Variants in SLC12A5 observed in about 807,000 individuals in gnomAD.
SLC12A5 encodes solute carrier family 12 member 5, also known as K-Cl cotransporter 2.
Under a neutral mutation model 124.0 loss-of-function variants are expected in SLC12A5, and 18 were observed. The ratio of observed to expected loss-of-function variants is 0.15; its 90% CI spans 0.10 to 0.22. The LOEUF is 0.22. SLC12A5 is among the 10% of genes least tolerant of loss of function. The pLI is 1.00. For synonymous variants in SLC12A5, 589 were observed against 568.0 expected (o/e 1.04, Z -0.53); for missense variants, 867 against 1,478.7 (o/e 0.59, Z 6.78).
At chr20:46,046,225 C>A (rs2084594268) in intron 13 of SLC12A5, 113 bp from the exon 14 acceptor site, 1 of 995,842 alleles carries the variant, frequency 1.0e-6, no homozygotes, top group Non-Finnish European at 1.6e-6. Flanking sequence ...ACAGCATGAT[C>A]TGGCCACCTC....
chr20:46,041,461 C>A lies in SLC12A5; in HGVS notation c.987C>A (p.Ala329=). ...GLFCSSRFLN[A]TCDEYFTRNN... ...TCTGCTCCTCTCGCTTCCTCAACGC[C>A]ACCTGTGATGAATACTTCACCCGAA... The change falls in exon 8 of 26, where the codon GCC becomes GCA. Residue 329 remains alanine, a synonymous_variant. Transcript: ENST00000243964. 6.2e-7 allele frequency: 1 copy of A among 1,614,162 alleles called. No homozygotes were observed. The highest frequency in any genetic ancestry group is 8.5e-7 in the Non-Finnish European group (1 of 1,180,036).
At chr20:46,047,655 T>C in intron 15 of SLC12A5, 82 bp downstream of exon 15, 1 of 1,451,754 alleles carries the variant, frequency 6.9e-7, no homozygotes, top group South Asian at 1.3e-5. Context: ...CATGAGGGAT[T>C]GGGGTGGTGG....
At chr20:46,025,977 C>T (rs894380527), upstream of SLC12A5, among the ~76,000 whole-genome samples, 2 of 152,138 alleles carry the variant, frequency 1.3e-5, no homozygotes, top group South Asian at 2.1e-4. Context: ...AGGACCCAGT[C>T]CGGTGGCTCT....
At position 46,057,654 on chromosome 20, in the gene SLC12A5, G is replaced by A. The variant is rs766289936; in HGVS notation, c.*49G>A. ...CCGAGCGCGCCCGGCCCGCGGCTCC[G>A]GAGCCCTCGCCGCGCCCCCCGCCGC... On this transcript the variant is annotated 3_prime_UTR_variant, in exon 26 of 26. Coordinates refer to ENST00000243964, the MANE Select transcript of SLC12A5 (RefSeq NM_020708.5). This position sits in a 1 kb window ranked among gnomAD's most constrained non-coding sequence, Gnocchi z 7.1. The A allele has an allele frequency of 3.5e-6, 5 of 1,448,740 alleles. No homozygotes were observed. The highest frequency in any genetic ancestry group is 1.4e-5 in the African/African-American group (1 of 70,492). 89.7% of individuals were successfully genotyped at this position (1,448,740 alleles called of 1,614,324 possible).
Position 46,053,692 on chromosome 20 carries a change from G to A in SLC12A5, c.2662G>A (p.Val888Ile). Residue 888 changes from valine (V) to isoleucine (I), a missense_variant, in exon 20 of 26, where the codon GTC (valine) becomes ATC (isoleucine). Transcript: ENST00000243964. The surrounding 1 kb of genome is among the most constrained non-coding windows in gnomAD (Gnocchi z 4.7). ...GTATCATTTACGCATCACTGCGGAG[G>A]TCGAGGTGGTGGAGATGGTGAGTCC... Reference protein sequence around the residue: ...FLYHLRITAEVEVVEMHESDI... With the variant: ...FLYHLRITAEIEVVEMHESDI... The A allele has an allele frequency of 1.9e-6, 3 of 1,598,084 alleles. No homozygotes were observed. The highest frequency in any genetic ancestry group is 2.3e-5 in the East Asian group (1 of 44,440).
intron 6 of SLC12A5, among the ~76,000 whole-genome samples, chr20:46,039,232 T>C (rs1341986132): frequency 6.6e-6 from 1 of 152,206 alleles, no homozygotes; most frequent in Non-Finnish European, 1.5e-5. Context: ...CGTTAATATT[T>C]AGCATGGGAA....
chr20:46,043,811 G>A (rs975626385), intron 10 of SLC12A5, 65 bp from the exon 11 acceptor site: 62 of 1,611,694 alleles, frequency 3.8e-5, no homozygotes, highest in Non-Finnish European at 4.8e-5. Context: ...CTTACCTGCT[G>A]GTGCAGGAAG....
At chr20:46,044,726 G>C (rs1014537730) in intron 11 of SLC12A5, 2 of 533,142 alleles carry the variant, frequency 3.8e-6, no homozygotes, top group African/African-American at 3.9e-5. Context: ...AGTGGGGGAC[G>C]TGGGGCTGGG....
At position 46,056,016 on chromosome 20, in the gene SLC12A5, C is replaced by A. The variant is rs1658137272; in HGVS notation, c.2788-134C>A. ...GTGCAGTAGCTATTTGGTCTCAAAT[C>A]ATAGCAATATTTTAACAACTGGTAC... On this transcript the variant is annotated intron_variant, in intron 21 of 25. Transcript: ENST00000243964. This position sits in a 1 kb window ranked among gnomAD's most constrained non-coding sequence, Gnocchi z 4.3. 4 of 1,287,036 alleles carry A rather than the reference C, an allele frequency of 3.1e-6. No homozygotes were observed. The highest frequency in any genetic ancestry group is 4.3e-6 in the Non-Finnish European group (4 of 940,746). 79.7% of individuals were successfully genotyped at this position (1,287,036 alleles called of 1,614,324 possible). A position where few individuals can be genotyped will look rare whatever the true frequency, so the allele number is the denominator to read the frequency against.
At chr20:46,030,638 G>T (rs1322187886) in intron 1 of SLC12A5, among the ~76,000 whole-genome samples, 1 of 152,188 alleles carries the variant, frequency 6.6e-6, no homozygotes, top group Non-Finnish European at 1.5e-5. Flanking sequence ...TATGAGCCTA[G>T]ACTCCCGCAG....
Position 46,051,854 on chromosome 20 carries a change from G to A in SLC12A5, c.2361G>A (p.Thr787=), listed in dbSNP as rs17344810. ...RNWRQKEDHQ[T]WRNFIELVRE... ...GGCGCCAGAAGGAAGATCATCAGAC[G>A]TGGAGGAACTTCATTGGTAACGCTA... The change falls in exon 18 of 26, where the codon ACG becomes ACA. Residue 787 remains threonine, a synonymous_variant. Coordinates refer to ENST00000243964, the MANE Select transcript of SLC12A5 (RefSeq NM_020708.5). The A allele has an allele frequency of 0.11, 174,007 of 1,569,382 alleles. 10,243 individuals carry two copies. The highest frequency in any genetic ancestry group is 0.19 in the South Asian group (16,143 of 85,870).
chr20:46,057,625 G>C lies in SLC12A5; in HGVS notation c.*20G>C. ...TCCTGAGAACCAGGACCTGCCACCCGGGCCCGAGCGCGCCCGGCCCGCGGC... is the reference window on the plus strand; with the variant it reads ...TCCTGAGAACCAGGACCTGCCACCCCGGCCCGAGCGCGCCCGGCCCGCGGC... On this transcript the variant is annotated 3_prime_UTR_variant, in exon 26 of 26. Coordinates refer to ENST00000243964, the MANE Select transcript of SLC12A5 (RefSeq NM_020708.5). The surrounding 1 kb of genome is among the most constrained non-coding windows in gnomAD (Gnocchi z 7.1). The C allele has an allele frequency of 1.9e-6, 3 of 1,598,476 alleles. No individual in the cohort carries two copies. The highest frequency in any genetic ancestry group is 2.6e-6 in the Non-Finnish European group (3 of 1,171,142).
intron 4 of SLC12A5, 181 bp downstream of exon 4, chr20:46,036,104 T>C (rs1017973569): frequency 2.9e-6 from 2 of 681,978 alleles, no homozygotes; most frequent in Admixed American, 6.8e-5. Context: ...TTGTCCTTGA[T>C]GGCTGTTAAC....
At chr20:46,052,782 T>C (rs915925210) in intron 18 of SLC12A5, among the ~76,000 whole-genome samples, 175 bp from the exon 19 acceptor site, 3 of 152,120 alleles carry the variant, frequency 2.0e-5, no homozygotes, top group Non-Finnish European at 1.5e-5. Flanking sequence ...ATCTAAACAA[T>C]AAATATATGA....
In SLC12A5 at chr20:46,057,642, G is replaced by GC; in HGVS notation, c.*40dup. 6.4e-7 allele frequency: 1 copy of GC among 1,553,564 alleles called. No homozygotes were observed. The highest frequency in any genetic ancestry group is 8.8e-7 in the Non-Finnish European group (1 of 1,136,416). On this transcript the variant is annotated 3_prime_UTR_variant, in exon 26 of 26. Coordinates refer to ENST00000243964, the MANE Select transcript of SLC12A5 (RefSeq NM_020708.5). The surrounding 1 kb of genome is among the most constrained non-coding windows in gnomAD (Gnocchi z 7.1). Reference sequence around the variant, plus strand: ...TGCCACCCGGGCCCGAGCGCGCCCGGCCCGCGGCTCCGGAGCCCTCGCCGC... The same window carrying GC: ...TGCCACCCGGGCCCGAGCGCGCCCGGCCCCGCGGCTCCGGAGCCCTCGCCGC...
intron 7 of SLC12A5, chr20:46,041,056 T>A (rs1293062191): frequency 9.7e-5 from 35 of 359,688 alleles, no homozygotes; most frequent in African/African-American, 5.5e-4. Context: ...TGCTCAGAGG[T>A]GGAGGGCGGC....
At position 46,045,565 on chromosome 20, in the gene SLC12A5, C is replaced by T. The variant is rs541294632; in HGVS notation, c.1570-313C>T. On this transcript the variant is annotated intron_variant, in intron 12 of 25. Transcript: ENST00000243964. The surrounding 1 kb of genome is among the most constrained non-coding windows in gnomAD (Gnocchi z 4.9). ...TTACCATGGTGCTAAAAAAAAAAGA[C>T]GGATGGAGCACAGGGTCGTGGTGGC... Among the ~76,000 whole-genome samples, 6 of 151,994 alleles carry T rather than the reference C, an allele frequency of 3.9e-5. No individual in the cohort carries two copies. The highest frequency in any genetic ancestry group is 5.9e-5 in the Non-Finnish European group (4 of 67,980).
intron 7 of SLC12A5, 144 bp from the exon 8 acceptor site, chr20:46,041,185 G>A (rs559612334): frequency 3.0e-6 from 2 of 675,276 alleles, no homozygotes; most frequent in East Asian, 5.7e-5. Context: ...AAAGCCAATG[G>A]CCAGGCTTCA....
At chr20:46,036,405 C>T (rs967997756) in intron 4 of SLC12A5, among the ~76,000 whole-genome samples, 1 of 152,208 alleles carries the variant, frequency 6.6e-6, no homozygotes, top group Non-Finnish European at 1.5e-5. Flanking sequence ...TACGCAGTGT[C>T]GGAGCTGTTA....
Sources: allele counts gnomAD v4.1 joint callset (sites outside exome capture counted in the v4.1 genomes callset), GRCh38; gene constraint gnomAD v4.1.1; non-coding constraint Gnocchi (gnomAD v3.1); transcripts MANE v1.5; gene names NCBI Gene and HGNC (gene_info 2026-07-23, HGNC 2026-07-21).